Variants in GRM6 observed in about 807,000 individuals in gnomAD.
The protein encoded by GRM6 is metabotropic glutamate receptor 6.
A neutral mutation model predicts 78.4 loss-of-function variants in GRM6; 73 were observed. The ratio of observed to expected loss-of-function variants is 0.93; its 90% CI spans 0.77 to 1.13. The LOEUF is 1.13. Ranked by LOEUF, GRM6 falls within the 50% of genes most tolerant of loss-of-function variation. The probability of loss-of-function intolerance (pLI) is 0.00; values close to 1 mark genes in which losing one functional copy is unlikely to be tolerated. For synonymous variants in GRM6, 580 were observed against 555.0 expected (o/e 1.05, Z -0.63); for missense variants, 1,251 against 1,256.4 (o/e 1.00, Z 0.07).
chr5:178,981,415 C>T lies in GRM6; in HGVS notation c.*242G>A. On this transcript the variant is annotated 3_prime_UTR_variant, in exon 11 of 11. Coordinates refer to ENST00000517717, the MANE Select transcript of GRM6 (RefSeq NM_000843.4). The surrounding 1 kb of genome is among the most constrained non-coding windows in gnomAD (Gnocchi z 5.1). ...TCTAGAGCTAGAACCTTCTCGGTGG[C>T]TGTTTCCCACCATGGGAAGCGAGTC... 25 of 497,838 alleles carry T rather than the reference C, an allele frequency of 5.0e-5. No homozygotes were observed. The highest frequency in any genetic ancestry group is 5.8e-5 in the Non-Finnish European group (16 of 275,622). The allele number at this position is 497,838 out of a possible 1,614,324, so 30.8% of individuals were successfully genotyped here.
At position 178,981,831 on chromosome 5, in the gene GRM6, T is replaced by G. The variant is rs1376100739; in HGVS notation, c.2460A>C (p.Leu820=). Reference sequence around the variant, plus strand: ...AGGCACTCAGGCTCAAGGACACGGTTAGCGTGGTTGTCTGGATGTAGATCT... The same window carrying G: ...AGGCACTCAGGCTCAAGGACACGGTGAGCGTGGTTGTCTGGATGTAGATCT... ...AEKIYIQTTT[L]TVSLSLSASV... is the part of the protein sequence containing the mutation. The change falls in exon 11 of 11, where the codon CTA becomes CTC. Residue 820 remains leucine, a synonymous_variant. Coordinates refer to ENST00000517717, the MANE Select transcript of GRM6 (RefSeq NM_000843.4). The surrounding 1 kb of genome is among the most constrained non-coding windows in gnomAD (Gnocchi z 5.1). 5 of 1,612,556 alleles carry G rather than the reference T, an allele frequency of 3.1e-6. No individual in the cohort carries two copies. The highest frequency in any genetic ancestry group is 4.2e-6 in the Non-Finnish European group (5 of 1,178,674).
rs371646537 is a variant in GRM6 at position 178,986,122 on chromosome 5, G to A, written c.2124+8C>T. Reference sequence around the variant, plus strand: ...CCTGCCCTGGCCCTTGGGAGCCTACGGACCCACCTGCAGGGAGGTGAGGCT... The same window carrying A: ...CCTGCCCTGGCCCTTGGGAGCCTACAGACCCACCTGCAGGGAGGTGAGGCT... On this transcript the variant is annotated splice_region_variant and intron_variant, in intron 9 of 10. Transcript: ENST00000517717. 235 of 1,612,050 alleles carry A rather than the reference G, an allele frequency of 1.5e-4. 1 individual carries two copies. Among genetic ancestry groups the A allele is most frequent in the African/African-American group, 4.9e-4 (37 of 74,992 alleles).
Position 178,991,961 on chromosome 5 carries a change from C to T in GRM6, c.627G>A (p.Arg209=), listed in dbSNP as rs768293385. The T allele has an allele frequency of 1.2e-6, 2 of 1,614,118 alleles. No homozygotes were observed. The highest frequency in any genetic ancestry group is 2.2e-5 in the South Asian group (2 of 91,086). The stretch of plus-strand genomic sequence containing the variant: ...TGGACACATAGTTCCATCCCAGTGC[C>T]CTCACGATGTCCACCATGGCCTGCG... ...YQAQAMVDIV[R]ALGWNYVSTL... Residue 209 remains arginine (R), a synonymous_variant, in exon 3 of 11, where the codon AGG becomes AGA. Coordinates refer to ENST00000517717, the MANE Select transcript of GRM6 (RefSeq NM_000843.4). This position sits in a 1 kb window ranked among gnomAD's most constrained non-coding sequence, Gnocchi z 5.0.
chr5:178,983,453 G>A (rs1187900787), intron 9 of GRM6: 3 of 693,638 alleles, frequency 4.3e-6, no homozygotes, highest in South Asian at 3.0e-5. Flanking sequence ...GGCAGCTGCG[G>A]AGAAGGGCTG....
rs1330202189 is a variant in GRM6 at position 178,979,666 on chromosome 5, G to C, written c.*1991C>G. 1 of 152,216 alleles carries C rather than the reference G, an allele frequency of 6.6e-6. No homozygotes were observed. Among genetic ancestry groups the C allele is most frequent in the Non-Finnish European group, 1.5e-5 (1 of 68,042 alleles). 9.4% of individuals were successfully genotyped at this position (152,216 alleles called of 1,614,324 possible). A position where few individuals can be genotyped will look rare whatever the true frequency, so the allele number is the denominator to read the frequency against. On this transcript the variant is annotated 3_prime_UTR_variant, in exon 11 of 11. Coordinates refer to ENST00000517717, the MANE Select transcript of GRM6 (RefSeq NM_000843.4). Reference sequence around the variant, plus strand: ...TCTACTAAGAACTGCTTCTGATTCTGAATCACAGAGTTCACAGTGGAGAAA... The same window carrying C: ...TCTACTAAGAACTGCTTCTGATTCTCAATCACAGAGTTCACAGTGGAGAAA...
In GRM6 at chr5:178,989,134, G is replaced by T; in HGVS notation, c.1155C>A (p.Gly385=). The change falls in exon 7 of 11, where the codon GGC becomes GGA. Residue 385 remains glycine, a splice_region_variant and synonymous_variant. Coordinates refer to ENST00000517717, the MANE Select transcript of GRM6 (RefSeq NM_000843.4). The part of the protein sequence containing the change: ...QSDDSTRKCT[G]EERIGRDSTY... ...TGGAGTCCCGGCCGATGCGTTCCTC[G>T]CCTGTCCTAGGGATGCCCAGAGAAA... 2 of 1,613,538 alleles carry T rather than the reference G, an allele frequency of 1.2e-6. No individual in the cohort carries two copies. Among genetic ancestry groups the T allele is most frequent in the Non-Finnish European group, 1.7e-6 (2 of 1,179,770 alleles).
intron 2 of GRM6, 44 bp downstream of exon 2, chr5:178,994,397 G>C (rs1181364157): frequency 5.5e-6 from 8 of 1,457,272 alleles, no homozygotes; most frequent in Admixed American, 2.5e-5. Context: ...GGGCGAGGAC[G>C]GGAGAGGGAC....
intron 10 of GRM6, among the ~76,000 whole-genome samples, chr5:178,982,576 C>CAAAAAAAA (rs70997654): frequency 5.0e-5 from 1 of 20,184 alleles, no homozygotes; most frequent in African/African-American, 2.5e-4. Flanking sequence ...GACTCTGTCT[C>CAAAAAAAA]AAAAAAAAAA....
At position 178,988,493 on chromosome 5, in the gene GRM6, G is replaced by C. The variant is rs1411125381; in HGVS notation, c.1354+442C>G. 6.6e-6 allele frequency among the ~76,000 whole-genome samples: 1 copy of C among 152,194 alleles called. No homozygotes were observed. Among genetic ancestry groups the C allele is most frequent in the Admixed American group, 6.5e-5 (1 of 15,284 alleles). On this transcript the variant is annotated intron_variant, in intron 7 of 10. Coordinates refer to ENST00000517717, the MANE Select transcript of GRM6 (RefSeq NM_000843.4). The surrounding 1 kb of genome is among the most constrained non-coding windows in gnomAD (Gnocchi z 6.0). ...GTTTTGAGCCCTGACCACACACCAA[G>C]CCTGGTGCCAAGGGACAGGTCAGAC...
Position 178,992,195 on chromosome 5 carries a change from CTGGG to C in GRM6, c.505-116_505-113del. The C allele has an allele frequency of 1.3e-6, 1 of 758,808 alleles. No individual in the cohort carries two copies. The highest frequency in any genetic ancestry group is 1.7e-5 in the African/African-American group (1 of 58,630). The allele number at this position is 758,808 out of a possible 1,614,324, so 47.0% of individuals were successfully genotyped here. ...GGCACAGAAGGTGTGTGGCATGGAC[CTGGG>C]ACACAGATGGGAGATGGAAGGGTTG... is the stretch of plus-strand genomic sequence containing the variant. On this transcript the variant is annotated intron_variant, in intron 2 of 10. Coordinates refer to ENST00000517717, the MANE Select transcript of GRM6 (RefSeq NM_000843.4). The surrounding 1 kb of genome is among the most constrained non-coding windows in gnomAD (Gnocchi z 4.9).
intron 4 of GRM6, among the ~76,000 whole-genome samples, 188 bp from the exon 5 acceptor site, chr5:178,990,934 A>C (rs1217747339): frequency 6.6e-6 from 1 of 152,118 alleles, no homozygotes; most frequent in African/African-American, 2.4e-5. Context: ...AGGCCTGCCC[A>C]CTTGCTCTGC....
intron 5 of GRM6, chr5:178,989,647 A>G: frequency 1.7e-6 from 1 of 593,880 alleles, no homozygotes; most frequent in South Asian, 1.9e-5. Flanking sequence ...TGGTGGACTC[A>G]GAGCCAACTG....
intron 2 of GRM6, among the ~76,000 whole-genome samples, chr5:178,993,704 T>C (rs1443496790): frequency 1.3e-5 from 2 of 151,922 alleles, no homozygotes; most frequent in Non-Finnish European, 2.9e-5. Context: ...ACCCCCAAAC[T>C]TGTATGCCAA....
chr5:178,994,340 G>T, intron 2 of GRM6, 101 bp downstream of exon 2: 4 of 1,045,934 alleles, frequency 3.8e-6, no homozygotes, highest in Non-Finnish European at 5.2e-6. Flanking sequence ...TGATTAAAAC[G>T]GAGACTCTTT....
At position 178,991,935 on chromosome 5, in the gene GRM6, G is replaced by T. The variant is rs189676130; in HGVS notation, c.653C>A (p.Thr218Lys). ...GCCATAGTTGCCCTCGGAGGCCAGCGTGGACACATAGTTCCATCCCAGTGC... is the reference window on the plus strand; with the variant it reads ...GCCATAGTTGCCCTCGGAGGCCAGCTTGGACACATAGTTCCATCCCAGTGC... The part of the protein sequence containing the change: ...VRALGWNYVS[T>K]LASEGNYGES... The change falls in exon 3 of 11, where the codon ACG becomes AAG. Residue 218 changes from threonine (T) to lysine (K), a missense_variant. Thr to Lys is a moderately conservative substitution (Grantham distance 78, BLOSUM62 -1). Coordinates refer to ENST00000517717, the MANE Select transcript of GRM6 (RefSeq NM_000843.4). This position sits in a 1 kb window ranked among gnomAD's most constrained non-coding sequence, Gnocchi z 5.0. 2.5e-6 allele frequency: 4 copies of T among 1,614,016 alleles called. No individual in the cohort carries two copies. The highest frequency in any genetic ancestry group is 3.4e-6 in the Non-Finnish European group (4 of 1,180,040).
At position 178,986,474 on chromosome 5, in the gene GRM6, C is replaced by T. The variant is rs779188022; in HGVS notation, c.1780G>A (p.Val594Met). 2.2e-5 allele frequency: 36 copies of T among 1,612,048 alleles called. No individual in the cohort carries two copies. The highest frequency in any genetic ancestry group is 2.7e-5 in the African/African-American group (2 of 74,942). ...PWAAPPLLLAVLGIVATTTVV... is the reference protein window; with the variant it reads ...PWAAPPLLLAMLGIVATTTVV... ...GTGGTAGTGGCCACGATGCCCAGCA[C>T]GGCCAGGAGGAGCGGCGGGGCTGCC... The change falls in exon 9 of 11, where the codon GTG (valine) becomes ATG (methionine). Residue 594 changes from valine to methionine, a missense_variant. Coordinates refer to ENST00000517717, the MANE Select transcript of GRM6 (RefSeq NM_000843.4).
chr5:178,985,254 A>C (rs577338222), intron 9 of GRM6: 1 of 456,520 alleles, frequency 2.2e-6, no homozygotes, highest in Non-Finnish European at 4.4e-6. Flanking sequence ...TTTGGTTTAG[A>C]AAATAACTTC....
chr5:178,994,381 AC>A, intron 2 of GRM6, 59 bp downstream of exon 2: 4 of 1,402,286 alleles, frequency 2.9e-6, no homozygotes, highest in African/African-American at 1.5e-5. Flanking sequence ...GACTTGGGCC[AC>A]CCCAGGGCGA....
chr5:178,994,518 C>T lies in GRM6; in HGVS notation c.427G>A (p.Glu143Lys). The T allele has an allele frequency of 7.1e-7, 1 of 1,402,118 alleles. No homozygotes were observed. 86.9% of individuals were successfully genotyped at this position (1,402,118 alleles called of 1,614,324 possible). A position where few individuals can be genotyped will look rare whatever the true frequency, so the allele number is the denominator to read the frequency against. Residue 143 changes from glutamate to lysine, a missense_variant, in exon 2 of 11, where the codon GAG (glutamate) becomes AAG (lysine). By Grantham distance (56) the Glu-to-Lys change is moderately conservative (BLOSUM62 1). Coordinates refer to ENST00000517717, the MANE Select transcript of GRM6 (RefSeq NM_000843.4). ...GVPPLRPAPP[E>K]RVVAVVGASA... is the part of the protein sequence containing the mutation. Reference sequence around the variant, plus strand: ...GCGCCCACGACGGCCACGACGCGCTCGGGGGGCGCGGGGCGCAGCGGAGGG... The same window carrying T: ...GCGCCCACGACGGCCACGACGCGCTTGGGGGGCGCGGGGCGCAGCGGAGGG...
Sources: gnomAD v4.1 joint callset for allele counts (sites outside exome capture counted in the v4.1 genomes callset) on GRCh38, gnomAD v4.1.1 for gene constraint, Gnocchi (gnomAD v3.1) non-coding constraint, MANE v1.5 for transcripts, NCBI Gene and HGNC (gene_info 2026-07-23, HGNC 2026-07-21) for gene names.